Variants in TOP3A observed in about 807,000 individuals in gnomAD.
TOP3A encodes DNA topoisomerase 3-alpha.
A neutral mutation model predicts 111.3 loss-of-function variants in TOP3A; 64 were observed. The observed-to-expected ratio is 0.57, with a 90% CI of 0.47 to 0.71. The LOEUF (loss-of-function observed/expected upper bound fraction) is 0.71. TOP3A is among the 30% of genes least tolerant of loss of function. The probability of loss-of-function intolerance (pLI) is 0.00; values close to 1 mark genes in which losing one functional copy is unlikely to be tolerated. For synonymous variants in TOP3A, 484 were observed against 485.1 expected, an observed-to-expected ratio of 1.00 and a Z score of 0.03; for missense variants, 1,104 against 1,285.0, an observed-to-expected ratio of 0.86 and a Z score of 2.15.
chr17:18,279,458 A>C (rs907544025), intron 17 of TOP3A, among the ~76,000 whole-genome samples: 2 of 87,374 alleles, frequency 2.3e-5, no homozygotes, highest in East Asian at 2.2e-4. Context: ...GGGTTTCACC[A>C]TGTTAGCCAG....
intron 6 of TOP3A, 46 bp downstream of exon 6, chr17:18,302,534 A>C (rs1415936761): frequency 1.2e-6 from 2 of 1,602,604 alleles, no homozygotes; most frequent in African/African-American, 2.7e-5. Flanking sequence ...TGGTCCCATA[A>C]CACAACATTA....
intron 17 of TOP3A, among the ~76,000 whole-genome samples, chr17:18,279,785 C>T (rs1315313224): frequency 6.6e-6 from 1 of 152,180 alleles, no homozygotes; most frequent in African/African-American, 2.4e-5. Flanking sequence ...CCTCTAGGAT[C>T]AAGCGATCCT....
chr17:18,283,019 C>T (rs1979864858), intron 15 of TOP3A, among the ~76,000 whole-genome samples, 178 bp from the exon 16 acceptor site: 1 of 152,184 alleles, frequency 6.6e-6, no homozygotes, highest in Non-Finnish European at 1.5e-5. Flanking sequence ...GCCCTGGTGC[C>T]GAACCAACTC....
rs751635603 is a variant in TOP3A, at chr17:18,285,294, C to T, written c.1725G>A (p.Met575Ile). ...GMGLVEGYDS[M>I]GYEMSKPDLR... is the part of the protein sequence containing the mutation. The stretch of plus-strand genomic sequence containing the variant: ...GGTCAGGCTTAGACATTTCATAGCC[C>T]ATGGAATCATAACCTGCAGGGAGAG... Residue 575 changes from methionine to isoleucine, a missense_variant, in exon 15 of 19, where the codon ATG becomes ATA. Transcript: ENST00000321105. The T allele has an allele frequency of 3.7e-6, 6 of 1,614,136 alleles. No individual in the cohort carries two copies. Among genetic ancestry groups the T allele is most frequent in the Non-Finnish European group, 5.1e-6 (6 of 1,180,034 alleles).
At chr17:18,280,468 T>C in intron 17 of TOP3A, 68 bp downstream of exon 17, 1 of 1,560,928 alleles carries the variant, frequency 6.4e-7, no homozygotes, top group Non-Finnish European at 8.7e-7. Context: ...CTCTGGGTTC[T>C]GGCAGGAGCA....
Position 18,302,406 on chromosome 17 carries a change from C to A in TOP3A, c.672G>T (p.Leu224=), listed in dbSNP as rs1396671333. ...CCTCAGGAAAAATCCTCTGAAGCCG[C>A]AGGGTCTGGAACCTAGTAAAGGCAG... is the stretch of plus-strand genomic sequence containing the variant. ...IGAAFTRFQT[L]RLQRIFPEVL... The change falls in exon 7 of 19, where the codon CTG becomes CTT. Residue 224 remains leucine, a synonymous_variant. Coordinates refer to ENST00000321105, the MANE Select transcript of TOP3A (RefSeq NM_004618.5). The A allele has an allele frequency of 2.5e-6, 4 of 1,612,672 alleles. No individual in the cohort carries two copies. The South Asian group carries it at 3.3e-5, about 13-fold the overall frequency.
intron 10 of TOP3A, 35 bp from the exon 11 acceptor site, chr17:18,292,887 G>T: frequency 6.3e-7 from 1 of 1,578,518 alleles, no homozygotes; most frequent in South Asian, 1.1e-5. Flanking sequence ...AAAAGAAATT[G>T]CTAGGCTCTC....
rs1979067727 is a variant in TOP3A at position 18,272,649 on chromosome 17, AAGAAACCAGACACAGG to A, written c.*2137_*2152del. Reference sequence around the variant, plus strand: ...AGCCTGACAAACATCAGCCAAGTCAAAGAAACCAGACACAGGATGTCATGTATGGTAGGATTTCATT... The same window carrying A: ...AGCCTGACAAACATCAGCCAAGTCAAATGTCATGTATGGTAGGATTTCATT... On this transcript the variant is annotated 3_prime_UTR_variant, in exon 19 of 19. Coordinates refer to ENST00000321105, the MANE Select transcript of TOP3A (RefSeq NM_004618.5). 6.6e-6 allele frequency among the ~76,000 whole-genome samples: 1 copy of A among 152,188 alleles called. No individual in the cohort carries two copies. Among genetic ancestry groups the A allele is most frequent in the African/African-American group, 2.4e-5 (1 of 41,440 alleles).
intron 1 of TOP3A, 103 bp downstream of exon 1, chr17:18,314,496 A>C: frequency 7.5e-7 from 1 of 1,341,484 alleles, no homozygotes; most frequent in Admixed American, 2.4e-5. Context: ...GGCCTGAGAA[A>C]TGGGAGATAA....
Position 18,306,941 on chromosome 17 carries a change from A to G in TOP3A, c.340T>C (p.Phe114Leu), listed in dbSNP as rs1981614099. The G allele has an allele frequency of 6.2e-7, 1 of 1,613,894 alleles. No individual in the cohort carries two copies. The highest frequency in any genetic ancestry group is 8.5e-7 in the Non-Finnish European group (1 of 1,179,894). Residue 114 changes from phenylalanine (F) to leucine (L), a missense_variant, in exon 4 of 19, where the codon TTT becomes CTT. Transcript: ENST00000321105. ...CAGTACTTTTCAATTTCTGCTTCAA[A>G]GAGGACAAGAGGGTTGCAGCTCTGC... ...KWQSCNPLVL[F>L]EAEIEKYCPE...
At chr17:18,279,678 C>G (rs1358421944) in intron 17 of TOP3A, among the ~76,000 whole-genome samples, 2 of 152,124 alleles carry the variant, frequency 1.3e-5, no homozygotes, top group Admixed American at 6.6e-5. Context: ...CCTGAGCCAC[C>G]AGGCTCGGCC....
chr17:18,306,121 G>C (rs1381677741), intron 4 of TOP3A, among the ~76,000 whole-genome samples: 1 of 152,124 alleles, frequency 6.6e-6, no homozygotes, highest in Non-Finnish European at 1.5e-5. Context: ...AGAATCGCTT[G>C]AACCTGGAGG....
intron 15 of TOP3A, among the ~76,000 whole-genome samples, chr17:18,283,237 C>T (rs994879277): frequency 1.1e-4 from 16 of 152,118 alleles, no homozygotes; most frequent in Non-Finnish European, 2.1e-4. Context: ...GGCATGGTGG[C>T]GCATGCCTGT....
intron 9 of TOP3A, among the ~76,000 whole-genome samples, chr17:18,296,577 T>A (rs1230347902): frequency 6.6e-6 from 1 of 152,086 alleles, no homozygotes; most frequent in Non-Finnish European, 1.5e-5. Flanking sequence ...AGACTCTGTC[T>A]CAAAAAACAA....
chr17:18,287,929 C>T (rs957797774), intron 13 of TOP3A, among the ~76,000 whole-genome samples: 3 of 151,220 alleles, frequency 2.0e-5, no homozygotes, highest in Non-Finnish European at 2.9e-5. Flanking sequence ...ACCTGGGTGG[C>T]GGAAGTTGCA....
At chr17:18,303,657 A>T (rs967756814) in intron 5 of TOP3A, among the ~76,000 whole-genome samples, 2 of 152,124 alleles carry the variant, frequency 1.3e-5, no homozygotes, top group Non-Finnish European at 2.9e-5. Context: ...ACCTTCCCTT[A>T]AACTTATTTA....
In TOP3A at chr17:18,277,970, G is replaced by A. The variant is rs2142933077; in HGVS notation, c.2532C>T (p.Asn844=). The A allele has an allele frequency of 6.2e-7, 1 of 1,614,054 alleles. No homozygotes were observed. Residue 844 remains asparagine, a synonymous_variant, in exon 18 of 19, where the codon AAC becomes AAT. Transcript: ENST00000321105. ...TGGGGCTGTCTGCCCACAGGAAGAAGTTGCAGCTACCTCCGTTGCACTTAA... is the reference window on the plus strand; with the variant it reads ...TGGGGCTGTCTGCCCACAGGAAGAAATTGCAGCTACCTCCGTTGCACTTAA... ...QFFKCNGGSC[N]FFLWADSPNP...
chr17:18,285,343 C>G, intron 14 of TOP3A, 36 bp from the exon 15 acceptor site: 1 of 1,613,140 alleles, frequency 6.2e-7, no homozygotes, highest in East Asian at 2.2e-5. Context: ...GAGGGCCCAC[C>G]TGAGACCCTC....
chr17:18,296,857 G>C (rs1232379271), intron 9 of TOP3A, among the ~76,000 whole-genome samples: 1 of 152,184 alleles, frequency 6.6e-6, no homozygotes, highest in Non-Finnish European at 1.5e-5. Flanking sequence ...TGTCAGGGTG[G>C]CTCTTTCTGG....
Sources: gnomAD v4.1 joint callset for allele counts (sites outside exome capture counted in the v4.1 genomes callset) on GRCh38, gnomAD v4.1.1 for gene constraint, MANE v1.5 for transcripts, NCBI Gene and HGNC (gene_info 2026-07-23, HGNC 2026-07-21) for gene names.